Variants in CREBBP observed in about 807,000 individuals in gnomAD.
CREBBP encodes the protein CREB binding lysine acetyltransferase.
A neutral mutation model predicts 265.0 loss-of-function variants in CREBBP; 19 were observed. The observed-to-expected ratio is 0.07, with a 90% CI of 0.05 to 0.11. CREBBP has a LOEUF of 0.11. Among genes scored for constraint, CREBBP ranks in the 10% least tolerant of loss-of-function variants. The pLI, the probability that CREBBP is intolerant of heterozygous loss-of-function variation, is 1.00. For synonymous variants in CREBBP, 1,457 were observed against 1,223.7 expected (o/e 1.19, Z -3.98); for missense variants, 2,525 against 3,219.0 (o/e 0.78, Z 5.22).
chr16:3,797,354 A>G (rs1286310831), intron 3 of CREBBP, among the ~76,000 whole-genome samples: 1 of 152,238 alleles, frequency 6.6e-6, no homozygotes, highest in African/African-American at 2.4e-5. Context: ...AGAAACAGAC[A>G]TAGGTGTATA....
intron 1 of CREBBP, among the ~76,000 whole-genome samples, chr16:3,856,412 A>G (rs560658655): frequency 2.0e-5 from 3 of 152,302 alleles, no homozygotes; most frequent in South Asian, 2.1e-4. Flanking sequence ...CCCTGCACCA[A>G]AACACCCACC....
At chr16:3,857,237 C>T (rs1016723308) in intron 1 of CREBBP, among the ~76,000 whole-genome samples, 2 of 152,188 alleles carry the variant, frequency 1.3e-5, no homozygotes, top group Admixed American at 1.3e-4. Context: ...GTCTGCTACA[C>T]TCTGACCACC....
Position 3,726,502 on chromosome 16 carries a change from C to T in CREBBP, c.*1216G>A, listed in dbSNP as rs1240815319. 1.3e-5 allele frequency: 3 copies of T among 233,396 alleles called. No individual in the cohort carries two copies. Among genetic ancestry groups the T allele is most frequent in the Non-Finnish European group, 2.5e-5 (3 of 118,144 alleles). The allele number at this position is 233,396 out of a possible 1,614,324, so 14.5% of individuals were successfully genotyped here. A position where few individuals can be genotyped will look rare whatever the true frequency, so the allele number is the denominator to read the frequency against. On this transcript the variant is annotated 3_prime_UTR_variant, in exon 31 of 31. Transcript: ENST00000262367. Reference sequence around the variant, plus strand: ...GGCCACAGTTCCCAGCCACCACCCACGCCGCCACAACCACAACCGCAGCCC... The same window carrying T: ...GGCCACAGTTCCCAGCCACCACCCATGCCGCCACAACCACAACCGCAGCCC...
rs1279166656 is a variant in CREBBP at position 3,852,153 on chromosome 16, A to AT, written c.86-1145dup. ...TTGAGGACAGTAAAGCCAATCTTAA[A>AT]TTTGTTTTTTTTTTTTTTTTTTTTT... On this transcript the variant is annotated intron_variant, in intron 1 of 30. Transcript: ENST00000262367. 1.2e-3 allele frequency among the ~76,000 whole-genome samples: 129 copies of AT among 105,714 alleles called. 10 individuals carry two copies. Among genetic ancestry groups the AT allele is most frequent in the African/African-American group, 3.9e-3 (107 of 27,416 alleles). The allele number at this position is 105,714 out of a possible 152,430, so 69.4% of individuals were successfully genotyped here. A position where few individuals can be genotyped will look rare whatever the true frequency, so the allele number is the denominator to read the frequency against.
At chr16:3,749,479 A>G in intron 21 of CREBBP, 148 bp downstream of exon 21, 3 of 618,046 alleles carry the variant, frequency 4.9e-6, no homozygotes, top group East Asian at 2.8e-5. Context: ...TTTAAAAGAA[A>G]TCTATATCTA....
At chr16:3,850,004 C>T (rs2054792937) in intron 2 of CREBBP, among the ~76,000 whole-genome samples, 1 of 152,118 alleles carries the variant, frequency 6.6e-6, no homozygotes, top group African/African-American at 2.4e-5. Context: ...CCTCAGTGGG[C>T]AGTACACAGG....
At chr16:3,831,329 T>G (rs1255870449) in intron 2 of CREBBP, among the ~76,000 whole-genome samples, 2 of 152,184 alleles carry the variant, frequency 1.3e-5, no homozygotes, top group African/African-American at 4.8e-5. Flanking sequence ...ATTTAAAAAA[T>G]GTATTAAAAT....
At chr16:3,854,405 G>A (rs2054917711) in intron 1 of CREBBP, among the ~76,000 whole-genome samples, 1 of 152,180 alleles carries the variant, frequency 6.6e-6, no homozygotes, top group African/African-American at 2.4e-5. Flanking sequence ...ATAAACACCT[G>A]GGGTGGGGAG....
chr16:3,808,919 G>A (rs2053883436), intron 3 of CREBBP, among the ~76,000 whole-genome samples: 1 of 152,152 alleles, frequency 6.6e-6, no homozygotes, highest in Admixed American at 6.5e-5. Flanking sequence ...GGATCTGTGT[G>A]GTGCCAGAGC....
intron 9 of CREBBP, 138 bp from the exon 10 acceptor site, chr16:3,778,320 G>T (rs1596908768): frequency 1.4e-6 from 1 of 706,824 alleles, no homozygotes; most frequent in Non-Finnish European, 2.4e-6. Flanking sequence ...TGATACACCA[G>T]AAGCCCACAT....
intron 21 of CREBBP, among the ~76,000 whole-genome samples, chr16:3,747,161 TCTTAA>T (rs1161906024): frequency 6.6e-6 from 1 of 152,158 alleles, no homozygotes; most frequent in African/African-American, 2.4e-5. Context: ...GCTTTGTGTC[TCTTAA>T]CTAACTTCTC....
At chr16:3,832,229 C>T (rs563760015) in intron 2 of CREBBP, among the ~76,000 whole-genome samples, 6 of 152,158 alleles carry the variant, frequency 3.9e-5, no homozygotes, top group South Asian at 4.2e-4. Flanking sequence ...AGACCTGGAT[C>T]GCTTCACTGG....
At chr16:3,816,677 A>G (rs539700711) in intron 2 of CREBBP, among the ~76,000 whole-genome samples, 1 of 152,332 alleles carries the variant, frequency 6.6e-6, no homozygotes, top group South Asian at 2.1e-4. Flanking sequence ...GAAAGTACAA[A>G]GTACCACACG....
intron 11 of CREBBP, among the ~76,000 whole-genome samples, chr16:3,775,862 C>T (rs763563453): frequency 6.6e-6 from 1 of 152,176 alleles, no homozygotes; most frequent in Non-Finnish European, 1.5e-5. Flanking sequence ...GGACCAATCC[C>T]CAACACAGCA....
At position 3,780,721 on chromosome 16, in the gene CREBBP, C is replaced by T; in HGVS notation, c.1823+11G>A. On this transcript the variant is annotated intron_variant, in intron 8 of 30. Transcript: ENST00000262367. The stretch of plus-strand genomic sequence containing the variant: ...ATCAAACATCTATGAAACTGCAAAA[C>T]TGTTACGTACAGTTTATGCACTAGA... The T allele has an allele frequency of 6.2e-7, 1 of 1,613,748 alleles. No individual in the cohort carries two copies. Among genetic ancestry groups the T allele is most frequent in the East Asian group, 2.2e-5 (1 of 44,880 alleles).
intron 13 of CREBBP, chr16:3,773,510 C>CTA: frequency 1.9e-6 from 1 of 536,276 alleles, no homozygotes; most frequent in East Asian, 3.1e-5. Context: ...AGCATACAAA[C>CTA]CAAAAATTCT....
intron 21 of CREBBP, among the ~76,000 whole-genome samples, chr16:3,748,726 G>A (rs889524015): frequency 1.3e-5 from 2 of 152,142 alleles, no homozygotes; most frequent in African/African-American, 4.8e-5. Context: ...AATTTGGAGC[G>A]CCCTCAGAAC....
intron 5 of CREBBP, among the ~76,000 whole-genome samples, chr16:3,785,969 C>G (rs1229217930): frequency 6.6e-6 from 1 of 152,200 alleles, no homozygotes; most frequent in East Asian, 1.9e-4. Flanking sequence ...AAGAAGGAGC[C>G]TATGACCTAT....
At chr16:3,846,139 G>A (rs1347972036) in intron 2 of CREBBP, among the ~76,000 whole-genome samples, 1 of 152,132 alleles carries the variant, frequency 6.6e-6, no homozygotes, top group Admixed American at 6.5e-5. Flanking sequence ...CATGTTTTAA[G>A]AGACTTAAGA....
Sources: allele counts gnomAD v4.1 joint callset (sites outside exome capture counted in the v4.1 genomes callset), GRCh38; gene constraint gnomAD v4.1.1; transcripts MANE v1.5; gene names NCBI Gene and HGNC (gene_info 2026-07-23, HGNC 2026-07-21).